Variants in PARPBP observed in about 807,000 individuals in gnomAD.
PARPBP encodes PCNA-interacting partner.
A neutral mutation model predicts 50.0 loss-of-function variants in PARPBP; 52 were observed. The ratio of observed to expected loss-of-function variants is 1.04; its 90% confidence interval spans 0.83 to 1.31. The LOEUF (loss-of-function observed/expected upper bound fraction) is 1.31, where lower values mean the gene tolerates loss of function less well. PARPBP is among the 50% of genes most tolerant of loss of function. The pLI, the probability that PARPBP is intolerant of heterozygous loss-of-function variation, is 0.00. For synonymous variants in PARPBP, 244 were observed against 232.1 expected (o/e 1.05, Z -0.47); for missense variants, 697 against 672.0 (o/e 1.04, Z -0.41).
Position 102,173,382 on chromosome 12 carries a change from C to T in PARPBP, c.822-2101C>T, listed in dbSNP as rs565947802. 1.6e-4 allele frequency among the ~76,000 whole-genome samples: 25 copies of T among 152,096 alleles called. No individual in the cohort carries two copies. In the South Asian group the frequency reaches 5.2e-3, roughly 32 times the overall value. On this transcript the variant is annotated intron_variant, in intron 6 of 10. Transcript: ENST00000327680. The stretch of plus-strand genomic sequence containing the variant: ...TTCTTTTCAACATAGCATGAGATGT[C>T]CAATTCAGTGTAGTAAGACAAAAAG...
chr12:102,175,374 A>T, intron 6 of PARPBP, 109 bp from the exon 7 acceptor site: 1 of 646,748 alleles, frequency 1.5e-6, no homozygotes, highest in Admixed American at 2.9e-5. Context: ...ATATAAGATC[A>T]AAGCTATATT....
At chr12:102,157,152 A>G (rs1243041004) in intron 4 of PARPBP, among the ~76,000 whole-genome samples, 1 of 150,388 alleles carries the variant, frequency 6.6e-6, no homozygotes, top group Non-Finnish European at 1.5e-5. Context: ...CTCTTGTAAT[A>G]CTCTTGTATG....
At chr12:102,182,511 A>T in intron 8 of PARPBP, 38 bp from the exon 9 acceptor site, 1 of 1,382,226 alleles carries the variant, frequency 7.2e-7, no homozygotes, top group Non-Finnish European at 1.0e-6. Flanking sequence ...CATTCCAACC[A>T]TAGCAATAAA....
At chr12:102,151,986 A>T (rs1481030352) in intron 3 of PARPBP, 1 of 575,662 alleles carries the variant, frequency 1.7e-6, no homozygotes, top group Non-Finnish European at 3.1e-6. Context: ...TGGTTACCAA[A>T]TACAGAGCTA....
At chr12:102,149,703 G>A (rs561323113) in intron 3 of PARPBP, among the ~76,000 whole-genome samples, 1 of 152,290 alleles carries the variant, frequency 6.6e-6, no homozygotes, top group African/African-American at 2.4e-5. Flanking sequence ...AAGGGAGAAT[G>A]GATATTGGCA....
chr12:102,151,409 G>A (rs1308189514), intron 3 of PARPBP, among the ~76,000 whole-genome samples: 1 of 152,172 alleles, frequency 6.6e-6, no homozygotes, highest in Non-Finnish European at 1.5e-5. Context: ...TGATGAGAAG[G>A]CCACCCTTGA....
intron 2 of PARPBP, among the ~76,000 whole-genome samples, chr12:102,138,267 A>AT (rs1227237074): frequency 6.6e-6 from 1 of 152,014 alleles, no homozygotes; most frequent in Admixed American, 6.6e-5. Flanking sequence ...GATGATGAGC[A>AT]TTTTTTCTTG....
At position 102,165,660 on chromosome 12, in the gene PARPBP, A is replaced by G. The variant is rs528088356; in HGVS notation, c.667-69A>G. ...TACCCAGAATTATATAGATTTACTTAGCTTTATGAAGTAAATTACAGTTTA... is the reference window on the plus strand; with the variant it reads ...TACCCAGAATTATATAGATTTACTTGGCTTTATGAAGTAAATTACAGTTTA... On this transcript the variant is annotated intron_variant, in intron 5 of 10. Coordinates refer to ENST00000327680, the MANE Select transcript of PARPBP (RefSeq NM_017915.5). 1.7e-5 allele frequency: 20 copies of G among 1,193,430 alleles called. No individual in the cohort carries two copies. In the South Asian group the frequency reaches 2.5e-4, roughly 15 times the overall value. The allele number at this position is 1,193,430 out of a possible 1,614,324, so 73.9% of individuals were successfully genotyped here.
intron 2 of PARPBP, among the ~76,000 whole-genome samples, chr12:102,129,131 T>A (rs1395574615): frequency 6.6e-6 from 1 of 152,166 alleles, no homozygotes; most frequent in Non-Finnish European, 1.5e-5. Context: ...TTTGTCCAAT[T>A]CTTAAAAAAC....
At chr12:102,171,452 A>C (rs1051447230) in intron 6 of PARPBP, among the ~76,000 whole-genome samples, 2 of 152,114 alleles carry the variant, frequency 1.3e-5, no homozygotes, top group African/African-American at 4.8e-5. Context: ...TCTGTTGCTG[A>C]CTGTAATGTT....
rs1555224547 is a variant in PARPBP, at chr12:102,196,958, GAA to G, written c.*670_*671del. On this transcript the variant is annotated 3_prime_UTR_variant, in exon 11 of 11. Coordinates refer to ENST00000327680, the MANE Select transcript of PARPBP (RefSeq NM_017915.5). ...TGGTAGGATGTAAGAATTGAATTTT[GAA>G]AAGACTACTCACTGTCAAAATCTCT... The G allele has an allele frequency of 6.3e-7, 1 of 1,595,292 alleles. No homozygotes were observed.
intron 2 of PARPBP, among the ~76,000 whole-genome samples, chr12:102,142,404 T>C (rs1176621043): frequency 2.0e-5 from 3 of 152,198 alleles, no homozygotes; most frequent in African/African-American, 4.8e-5. Context: ...TTTTCAAGTT[T>C]TTACCTTCTT....
chr12:102,165,087 G>A (rs968969729), intron 5 of PARPBP, among the ~76,000 whole-genome samples: 2 of 151,998 alleles, frequency 1.3e-5, no homozygotes, highest in African/African-American at 2.4e-5. Context: ...CTAAATTATC[G>A]ACATTTCACA....
At chr12:102,179,788 A>G (rs1394862184) in intron 8 of PARPBP, among the ~76,000 whole-genome samples, 2 of 152,236 alleles carry the variant, frequency 1.3e-5, no homozygotes, top group Non-Finnish European at 2.9e-5. Context: ...TCAGTCGTTG[A>G]GTAGGTTGTT....
chr12:102,164,666 C>T (rs746269159), intron 5 of PARPBP, 58 bp downstream of exon 5: 3 of 1,390,134 alleles, frequency 2.2e-6, no homozygotes, highest in Non-Finnish European at 3.1e-6. Flanking sequence ...TCCATGTATC[C>T]TAATATGCTT....
At chr12:102,145,260 A>G (rs909138286) in intron 2 of PARPBP, among the ~76,000 whole-genome samples, 1 of 152,180 alleles carries the variant, frequency 6.6e-6, no homozygotes, top group African/African-American at 2.4e-5. Flanking sequence ...GTTGTACTTG[A>G]ATACCCACCC....
intron 10 of PARPBP, 118 bp from the exon 11 acceptor site, chr12:102,195,833 A>G: frequency 1.7e-6 from 1 of 596,860 alleles, no homozygotes; most frequent in African/African-American, 2.0e-5. Flanking sequence ...TTATAGCATT[A>G]TTTTACTTTA....
intron 2 of PARPBP, among the ~76,000 whole-genome samples, chr12:102,140,875 C>T (rs1245038520): frequency 6.6e-6 from 1 of 152,200 alleles, no homozygotes; most frequent in Non-Finnish European, 1.5e-5. Context: ...TGTTCTTTTA[C>T]ATTTGCTAAG....
At chr12:102,144,631 T>C (rs1885117330) in intron 2 of PARPBP, among the ~76,000 whole-genome samples, 1 of 152,220 alleles carries the variant, frequency 6.6e-6, no homozygotes, top group Admixed American at 6.5e-5. Context: ...TAACTAGTTA[T>C]AGTCAAAAGG....
Sources: gnomAD v4.1 joint callset for allele counts (sites outside exome capture counted in the v4.1 genomes callset) on GRCh38, gnomAD v4.1.1 for gene constraint, MANE v1.5 for transcripts, NCBI Gene and HGNC (gene_info 2026-07-23, HGNC 2026-07-21) for gene names.